ADAMTS8: variants seen among roughly 807,000 people sequenced by gnomAD.
The protein encoded by ADAMTS8 is ADAM metallopeptidase with thrombospondin type 1 motif 8, also known as A disintegrin and metalloproteinase with thrombospondin motifs 8.
Under a neutral mutation model 64.4 loss-of-function variants are expected in ADAMTS8, and 50 were observed. The ratio of observed to expected loss-of-function variants is 0.78; its 90% CI spans 0.62 to 0.98. The LOEUF is 0.98. ADAMTS8 is among the 50% of genes least tolerant of loss of function. ADAMTS8 has a pLI of 0.00. For missense variants in ADAMTS8, 1,192 were observed against 1,208.2 expected (o/e 0.99, Z 0.20); for synonymous variants, 556 against 533.6 (o/e 1.04, Z -0.58).
At chr11:130,425,603 CTTTTTT>C (rs113283111) in intron 1 of ADAMTS8, among the ~76,000 whole-genome samples, 10 of 138,746 alleles carry the variant, frequency 7.2e-5, no homozygotes, top group African/African-American at 2.4e-4. Flanking sequence ...TTTCTTTTTT[CTTTTTT>C]TTTTTTTTTA....
In ADAMTS8 at chr11:130,411,714, C is replaced by G; in HGVS notation, c.1567-114G>C. The G allele has an allele frequency of 9.2e-7, 1 of 1,091,142 alleles. No homozygotes were observed. The highest frequency in any genetic ancestry group is 1.5e-5 in the South Asian group (1 of 65,594). 67.6% of individuals were successfully genotyped at this position (1,091,142 alleles called of 1,614,324 possible). ...TCATCTAGTCATTATCATCTTGGTG[C>G]ATGGAGTGCCGTAAACTGCCTCAAT... On this transcript the variant is annotated intron_variant, in intron 5 of 8. Transcript: ENST00000257359. This position sits in a 1 kb window ranked among gnomAD's most constrained non-coding sequence, Gnocchi z 4.2.
chr11:130,416,618 A>T lies in ADAMTS8; in HGVS notation c.1097-288T>A, dbSNP rs1179728915. On this transcript the variant is annotated intron_variant, in intron 3 of 8. Coordinates refer to ENST00000257359, the MANE Select transcript of ADAMTS8 (RefSeq NM_007037.6). The surrounding 1 kb of genome is among the most constrained non-coding windows in gnomAD (Gnocchi z 4.8). ...CCCTGGACCATTGTTCTTCCCCCAG[A>T]TCCCACGGCTTAGCTTGTGCACAGC... Among the ~76,000 whole-genome samples, 1 of 152,054 alleles carries T rather than the reference A, an allele frequency of 6.6e-6. No homozygotes were observed. The highest frequency in any genetic ancestry group is 1.9e-4 in the East Asian group (1 of 5,172).
Position 130,427,608 on chromosome 11 carries a change from C to T in ADAMTS8, c.679G>A (p.Ala227Thr), listed in dbSNP as rs1862186923. The T allele has an allele frequency of 1.9e-6, 3 of 1,547,526 alleles. No homozygotes were observed. Among genetic ancestry groups the T allele is most frequent in the Admixed American group, 1.9e-5 (1 of 51,850 alleles). The change falls in exon 1 of 9, where the codon GCC (alanine) becomes ACC (threonine). Residue 227 changes from alanine (A) to threonine (T), a missense_variant. Around this residue, in one of 5 missense-constraint regions of ADAMTS8, gnomAD observed 741 missense variants for 710.6 expected, o/e 1.04. Transcript: ENST00000257359. ...EARFVETLLV[A>T]DASMAAFYGA... The stretch of plus-strand genomic sequence containing the variant: ...TAGAAGGCAGCCATGGACGCATCGG[C>T]CACCAGCAGCGTCTCCACGAAGCGC...
rs555340423 is a variant in ADAMTS8 at position 130,411,237 on chromosome 11, C to A, written c.1750+180G>T. 7.2e-5 allele frequency among the ~76,000 whole-genome samples: 11 copies of A among 152,210 alleles called. No homozygotes were observed. The highest frequency in any genetic ancestry group is 2.6e-4 in the Admixed American group (4 of 15,288). On this transcript the variant is annotated intron_variant, in intron 6 of 8. Coordinates refer to ENST00000257359, the MANE Select transcript of ADAMTS8 (RefSeq NM_007037.6). This position sits in a 1 kb window ranked among gnomAD's most constrained non-coding sequence, Gnocchi z 4.2. ...CCCCTGGGATTGGAACCTTGCAGAG[C>A]CCATTTAGGTGGAGATCACAGGCAA...
intron 6 of ADAMTS8, among the ~76,000 whole-genome samples, chr11:130,410,724 C>G (rs1861941811): frequency 6.6e-6 from 1 of 152,228 alleles, no homozygotes; most frequent in Admixed American, 6.5e-5. Context: ...AATGATTTCC[C>G]TCTCACGAGT....
At chr11:130,413,864 A>G (rs993923197) in intron 5 of ADAMTS8, among the ~76,000 whole-genome samples, 2 of 152,158 alleles carry the variant, frequency 1.3e-5, no homozygotes, top group African/African-American at 4.8e-5. Context: ...TTCATGACGG[A>G]ATTGACAGTG....
At chr11:130,408,710 G>C in intron 7 of ADAMTS8, 58 bp downstream of exon 7, 1 of 1,611,882 alleles carries the variant, frequency 6.2e-7, no homozygotes, top group Non-Finnish European at 8.5e-7. Flanking sequence ...GGGCGGGGGT[G>C]TGGGGACAGG....
At chr11:130,422,113 C>T (rs1186688833) in intron 1 of ADAMTS8, among the ~76,000 whole-genome samples, 1 of 152,140 alleles carries the variant, frequency 6.6e-6, no homozygotes, top group Non-Finnish European at 1.5e-5. Context: ...AGGGAGTCTG[C>T]TCGTGCATGA....
chr11:130,420,524 C>G (rs1011587687), intron 1 of ADAMTS8, among the ~76,000 whole-genome samples: 6 of 152,108 alleles, frequency 3.9e-5, no homozygotes, highest in Admixed American at 2.6e-4. Context: ...ATCACCACCT[C>G]TTGGGATCCC....
At chr11:130,427,414 C>T (rs1269582281) in intron 1 of ADAMTS8, among the ~76,000 whole-genome samples, 153 bp downstream of exon 1, 1 of 145,018 alleles carries the variant, frequency 6.9e-6, no homozygotes, top group Non-Finnish European at 1.5e-5. Flanking sequence ...GAGAGAATCT[C>T]GTTTGGGGTA....
intron 2 of ADAMTS8, 22 bp downstream of exon 2, chr11:130,419,031 G>T (rs567717035): frequency 6.2e-7 from 1 of 1,613,512 alleles, no homozygotes; most frequent in Non-Finnish European, 8.5e-7. Context: ...CCTCCCCAGG[G>T]CTTCCGGAGC....
chr11:130,408,230 CTA>C (rs932956713), intron 8 of ADAMTS8, among the ~76,000 whole-genome samples: 13 of 151,942 alleles, frequency 8.6e-5, no homozygotes, highest in African/African-American at 2.9e-4. Flanking sequence ...TCTATCTTTT[CTA>C]TGAGCTCGAC....
rs754724987 is a variant in ADAMTS8 at position 130,405,636 on chromosome 11, G to T, written c.2592C>A (p.Gly864=). The change falls in exon 9 of 9, where the codon GGC becomes GGA. Residue 864 remains glycine, a synonymous_variant. Coordinates refer to ENST00000257359, the MANE Select transcript of ADAMTS8 (RefSeq NM_007037.6). ...RRTVECRDPS[G]QASATCNKAL... ...CCTTGTTGCAGGTGGCAGAGGCCTG[G>T]CCGGAGGGGTCCCTGCACTCTACAG... The T allele has an allele frequency of 4.3e-6, 7 of 1,613,892 alleles. No homozygotes were observed. Among genetic ancestry groups the T allele is most frequent in the Non-Finnish European group, 5.1e-6 (6 of 1,179,978 alleles).
Position 130,422,154 on chromosome 11 carries a change from A to C in ADAMTS8, c.721-2862T>G, listed in dbSNP as rs554853709. 1.8e-4 allele frequency among the ~76,000 whole-genome samples: 28 copies of C among 152,284 alleles called. No individual in the cohort carries two copies. In the South Asian group the frequency reaches 4.6e-3, roughly 25 times the overall value. ...CCCAGGACCTGGAGTAGAGATGAAC[A>C]TCAGGCCAGTCAGGGTGGCTCATGT... On this transcript the variant is annotated intron_variant, in intron 1 of 8. Transcript: ENST00000257359.
At chr11:130,414,122 CTTTT>C (rs143297278) in intron 5 of ADAMTS8, among the ~76,000 whole-genome samples, 16 of 129,740 alleles carry the variant, frequency 1.2e-4, no homozygotes, top group Admixed American at 3.1e-4. Flanking sequence ...AGTTTCTTTT[CTTTT>C]TTTTTTTTTT....
At chr11:130,409,107 T>A (rs946836887) in intron 6 of ADAMTS8, among the ~76,000 whole-genome samples, 167 bp from the exon 7 acceptor site, 1 of 152,172 alleles carries the variant, frequency 6.6e-6, no homozygotes, top group Non-Finnish European at 1.5e-5. Flanking sequence ...GACGCATGTG[T>A]GACCCTTACT....
intron 4 of ADAMTS8, among the ~76,000 whole-genome samples, chr11:130,415,396 C>T (rs1412719784): frequency 3.3e-5 from 5 of 151,892 alleles, no homozygotes; most frequent in South Asian, 2.1e-4. Context: ...CTCCACCTCC[C>T]GGGTTCAAGC....
intron 2 of ADAMTS8, 77 bp from the exon 3 acceptor site, chr11:130,417,152 G>A: frequency 2.5e-6 from 4 of 1,587,938 alleles, no homozygotes; most frequent in South Asian, 1.1e-5. Context: ...GGCCGGGTGT[G>A]GCCAGCGTGC....
intron 6 of ADAMTS8, 64 bp from the exon 7 acceptor site, chr11:130,409,004 A>T: frequency 1.3e-6 from 2 of 1,495,062 alleles, no homozygotes; most frequent in South Asian, 2.7e-5. Context: ...TCCGGTGGAG[A>T]AATCCCGAAT....
Sources: gnomAD v4.1 joint callset for allele counts (sites outside exome capture counted in the v4.1 genomes callset) on GRCh38, gnomAD v4.1.1 for gene constraint, gnomAD v4.1.1 regional missense constraint, Gnocchi (gnomAD v3.1) non-coding constraint, MANE v1.5 for transcripts, NCBI Gene and HGNC (gene_info 2026-07-23, HGNC 2026-07-21) for gene names.